The following AP1AR variants were observed in gnomAD, a reference collection of about 807,000 sequenced individuals.
The protein encoded by AP1AR is AP-1 complex-associated regulatory protein.
AP1AR carries 29 observed loss-of-function variants against 46.3 expected under a neutral mutation model. The observed-to-expected ratio is 0.63, with a 90% CI of 0.47 to 0.85. The LOEUF (loss-of-function observed/expected upper bound fraction) is 0.85, where lower values mean the gene tolerates loss of function less well. AP1AR is among the 40% of genes least tolerant of loss of function. AP1AR has a pLI of 0.00. For missense variants in AP1AR, 357 were observed against 356.3 expected, an observed-to-expected ratio of 1.00 and a Z score of -0.02; for synonymous variants, 122 against 122.9, an observed-to-expected ratio of 0.99 and a Z score of 0.05.
intron 1 of AP1AR, among the ~76,000 whole-genome samples, chr4:112,238,016 T>G (rs895513944): frequency 1.3e-5 from 2 of 152,236 alleles, no homozygotes; most frequent in African/African-American, 2.4e-5. Context: ...CCTGTTTTAG[T>G]GCAAGAGCAG....
intron 1 of AP1AR, among the ~76,000 whole-genome samples, chr4:112,234,524 C>T (rs1725157811): frequency 1.3e-5 from 2 of 152,110 alleles, no homozygotes; most frequent in African/African-American, 4.8e-5. Flanking sequence ...CAGGATTTGA[C>T]GGTTCCCTTA....
At chr4:112,243,363 T>C (rs1191704764) in intron 1 of AP1AR, among the ~76,000 whole-genome samples, 2 of 152,204 alleles carry the variant, frequency 1.3e-5, no homozygotes, top group African/African-American at 2.4e-5. Context: ...ACTTCTCCCA[T>C]CATCTCTTGT....
In AP1AR at chr4:112,268,400, G is replaced by T; in HGVS notation, c.900G>T (p.Gln300His). 6.3e-7 allele frequency: 1 copy of T among 1,591,434 alleles called. No homozygotes were observed. Among genetic ancestry groups the T allele is most frequent in the South Asian group, 1.1e-5 (1 of 87,258 alleles). Residue 300 changes from glutamine (Q) to histidine (H), a missense_variant, in exon 10 of 10, where the codon CAG becomes CAT. Around this residue, in one of 2 missense-constraint regions of AP1AR, gnomAD observed 88 missense variants for 132.7 expected, o/e 0.66. Coordinates refer to ENST00000274000, the MANE Select transcript of AP1AR (RefSeq NM_018569.6). The stretch of plus-strand genomic sequence containing the variant: ...TAAGGCATTCTGACACAGATCAACA[G>T]ACTCGATAGGGTAAAATTGTGTGAC... ...SGIRHSDTDQQTR is the reference protein window; with the variant it reads ...SGIRHSDTDQHTR
chr4:112,253,158 A>G (rs577685487), intron 1 of AP1AR, 50 bp from the exon 2 acceptor site: 2 of 1,393,644 alleles, frequency 1.4e-6, no homozygotes, highest in African/African-American at 2.9e-5. Flanking sequence ...ATATTAATTC[A>G]ATCTTAGAGT....
At chr4:112,255,989 G>A (rs923942398) in intron 3 of AP1AR, among the ~76,000 whole-genome samples, 4 of 152,086 alleles carry the variant, frequency 2.6e-5, no homozygotes, top group African/African-American at 4.8e-5. Context: ...TGACACTGTC[G>A]TTTTTGTTTT....
At chr4:112,259,581 A>G (rs1209901886) in intron 4 of AP1AR, among the ~76,000 whole-genome samples, 2 of 152,146 alleles carry the variant, frequency 1.3e-5, no homozygotes, top group Non-Finnish European at 2.9e-5. Context: ...AAAAAGAGGG[A>G]GCAGTAGCTT....
chr4:112,253,260 A>C lies in AP1AR; in HGVS notation c.132+4A>C. 1 of 1,607,314 alleles carries C rather than the reference A, an allele frequency of 6.2e-7. No homozygotes were observed. Among genetic ancestry groups the C allele is most frequent in the Admixed American group, 1.7e-5 (1 of 58,878 alleles). ...AGGTGAGCACTTAACAATAGAGGTA[A>C]GTAGTCCTTAATTTGATTGAATTAA... On this transcript the variant is annotated splice_donor_region_variant and intron_variant, in intron 2 of 9. Transcript: ENST00000274000.
Position 112,264,630 on chromosome 4 carries a change from T to C in AP1AR, c.382-379T>C, listed in dbSNP as rs571124973. ...AAATCTGTTGTTGTATTGCTACTTA[T>C]TTCACCCAGAATGGAACTTCATGTA... On this transcript the variant is annotated intron_variant, in intron 6 of 9. Coordinates refer to ENST00000274000, the MANE Select transcript of AP1AR (RefSeq NM_018569.6). Among the ~76,000 whole-genome samples, 4 of 152,278 alleles carry C rather than the reference T, an allele frequency of 2.6e-5. No individual in the cohort carries two copies. In the South Asian group the frequency reaches 6.2e-4, roughly 24 times the overall value.
rs1479467656 is a variant in AP1AR, at chr4:112,271,565, T to G, written c.*3156T>G. 6.6e-6 allele frequency among the ~76,000 whole-genome samples: 1 copy of G among 152,190 alleles called. No homozygotes were observed. The highest frequency in any genetic ancestry group is 1.5e-5 in the Non-Finnish European group (1 of 68,026). On this transcript the variant is annotated 3_prime_UTR_variant, in exon 10 of 10. Coordinates refer to ENST00000274000, the MANE Select transcript of AP1AR (RefSeq NM_018569.6). Reference sequence around the variant, plus strand: ...TCTCAATCTATTTGGACTCATTGTCTCCCTACTGGCCAAATCTATAGATGT... The same window carrying G: ...TCTCAATCTATTTGGACTCATTGTCGCCCTACTGGCCAAATCTATAGATGT...
chr4:112,268,084 T>A, intron 9 of AP1AR, 60 bp from the exon 10 acceptor site: 3 of 1,436,780 alleles, frequency 2.1e-6, no homozygotes, highest in East Asian at 2.4e-5. Flanking sequence ...AATTTGGGAG[T>A]TTTTAAATAT....
At chr4:112,242,452 G>GAA (rs11416283) in intron 1 of AP1AR, among the ~76,000 whole-genome samples, 19 of 150,728 alleles carry the variant, frequency 1.3e-4, no homozygotes, top group African/African-American at 2.2e-4. Context: ...ATTTATAAAA[G>GAA]AAAAAAAAAG....
chr4:112,267,115 A>G (rs767896458), intron 9 of AP1AR, among the ~76,000 whole-genome samples: 1 of 151,670 alleles, frequency 6.6e-6, no homozygotes, highest in Non-Finnish European at 1.5e-5. Context: ...TCTAGCTCAT[A>G]TTTTTTTCTT....
chr4:112,265,918 C>T (rs1726686604), intron 8 of AP1AR, 111 bp downstream of exon 8: 1 of 649,838 alleles, frequency 1.5e-6, no homozygotes, highest in African/African-American at 1.9e-5. Context: ...TTGTAATTCC[C>T]AGATAGGTCA....
rs1725020738 is a variant in AP1AR at position 112,231,981 on chromosome 4, T to G, written c.-111T>G. ...CCGCCGGGCTCTGGCCGGCCCGCCC[T>G]CGGTCCTTGAACCCCATTTCGGCTC... On this transcript the variant is annotated 5_prime_UTR_variant, in exon 1 of 10. Coordinates refer to ENST00000274000, the MANE Select transcript of AP1AR (RefSeq NM_018569.6). 9.5e-7 allele frequency: 1 copy of G among 1,049,694 alleles called. No homozygotes were observed. The allele number at this position is 1,049,694 out of a possible 1,614,324, so 65.0% of individuals were successfully genotyped here. A position where few individuals can be genotyped will look rare whatever the true frequency, so the allele number is the denominator to read the frequency against.
At chr4:112,238,375 A>G (rs973108348) in intron 1 of AP1AR, among the ~76,000 whole-genome samples, 2 of 152,114 alleles carry the variant, frequency 1.3e-5, no homozygotes, top group African/African-American at 2.4e-5. Flanking sequence ...CACATATCCT[A>G]CCAGTTTTAT....
At chr4:112,237,359 G>A (rs1443831845) in intron 1 of AP1AR, among the ~76,000 whole-genome samples, 2 of 152,116 alleles carry the variant, frequency 1.3e-5, no homozygotes, top group Non-Finnish European at 2.9e-5. Context: ...CCCCGTCTCG[G>A]CCTCCTAAAG....
rs916270225 is a variant in AP1AR at position 112,271,194 on chromosome 4, C to T, written c.*2785C>T. ...TGACACAGGTCTTGGTAGAAAACATCGTGATCCTCTCTGGATCCTCCATGG... is the reference window on the plus strand; with the variant it reads ...TGACACAGGTCTTGGTAGAAAACATTGTGATCCTCTCTGGATCCTCCATGG... On this transcript the variant is annotated 3_prime_UTR_variant, in exon 10 of 10. Coordinates refer to ENST00000274000, the MANE Select transcript of AP1AR (RefSeq NM_018569.6). Among the ~76,000 whole-genome samples, 5 of 152,180 alleles carry T rather than the reference C, an allele frequency of 3.3e-5. No individual in the cohort carries two copies. Among genetic ancestry groups the T allele is most frequent in the African/African-American group, 7.2e-5 (3 of 41,456 alleles).
chr4:112,257,781 C>A lies in AP1AR; in HGVS notation c.169C>A (p.Pro57Thr). The change falls in exon 4 of 10, where the codon CCA (proline) becomes ACA (threonine). Residue 57 changes from proline to threonine, a missense_variant. Pro to Thr is a conservative substitution (Grantham distance 38, BLOSUM62 -1). Around this residue, in one of 2 missense-constraint regions of AP1AR, gnomAD observed 269 missense variants for 223.6 expected, o/e 1.20. Transcript: ENST00000274000. ...ATTAATTTTTGTACAGGGGGAGAGC[C>A]CAGGAAGCAGTCATAGGTAAGGCTT... Reference protein sequence around the residue: ...NLVESDEGESPGSSHRPLTEE... With the variant: ...NLVESDEGESTGSSHRPLTEE... The A allele has an allele frequency of 6.4e-7, 1 of 1,562,714 alleles. No individual in the cohort carries two copies. The highest frequency in any genetic ancestry group is 2.3e-5 in the East Asian group (1 of 42,840).
rs182861835 is a variant in AP1AR at position 112,271,403 on chromosome 4, C to A, written c.*2994C>A. On this transcript the variant is annotated 3_prime_UTR_variant, in exon 10 of 10. Transcript: ENST00000274000. Reference sequence around the variant, plus strand: ...CTATAGTTTAGAGTTGGCTCCTCAACAGAGCTATTTCTACTTGTCATCTGT... The same window carrying A: ...CTATAGTTTAGAGTTGGCTCCTCAAAAGAGCTATTTCTACTTGTCATCTGT... 3.2e-3 allele frequency among the ~76,000 whole-genome samples: 484 copies of A among 152,374 alleles called. No individual in the cohort carries two copies. Among genetic ancestry groups the A allele is most frequent in the African/African-American group, 0.011 (443 of 41,584 alleles).
Sources: allele counts gnomAD v4.1 joint callset (sites outside exome capture counted in the v4.1 genomes callset), GRCh38; gene constraint gnomAD v4.1.1; regional missense constraint gnomAD v4.1.1; transcripts MANE v1.5; gene names NCBI Gene and HGNC (gene_info 2026-07-23, HGNC 2026-07-21).